NUDCD3: variants seen among roughly 807,000 people sequenced by gnomAD.
NUDCD3 encodes the protein NudC domain containing 3, also known as nudC domain-containing protein 3.
NUDCD3 carries 13 observed loss-of-function variants against 39.7 expected under a neutral mutation model. The observed-to-expected ratio is 0.33, with a 90% CI of 0.21 to 0.52. The LOEUF (loss-of-function observed/expected upper bound fraction) is 0.52, where lower values mean the gene tolerates loss of function less well. Ranked by LOEUF, NUDCD3 falls within the 20% of genes least tolerant of loss-of-function variation. NUDCD3 has a pLI of 0.96. For synonymous variants in NUDCD3, 175 were observed against 172.4 expected (o/e 1.02, Z -0.12); for missense variants, 453 against 458.1 (o/e 0.99, Z 0.10).
At chr7:44,418,623 G>T (rs1271020833) in intron 3 of NUDCD3, among the ~76,000 whole-genome samples, 1 of 152,204 alleles carries the variant, frequency 6.6e-6, no homozygotes, top group African/African-American at 2.4e-5. Flanking sequence ...GAATGATATG[G>T]GGGGATCTGG....
At chr7:44,409,820 C>T (rs1798889125) in intron 3 of NUDCD3, among the ~76,000 whole-genome samples, 1 of 151,816 alleles carries the variant, frequency 6.6e-6, no homozygotes, top group Admixed American at 6.6e-5. Context: ...ATACTGATAA[C>T]GAGATAGAAA....
chr7:44,391,558 G>A (rs566771881), intron 5 of NUDCD3, among the ~76,000 whole-genome samples: 3 of 152,272 alleles, frequency 2.0e-5, no homozygotes, highest in African/African-American at 7.2e-5. Flanking sequence ...TAAGGAGACT[G>A]TGCCCAGCAG....
rs983420382 is a variant in NUDCD3, at chr7:44,381,221, G to C, written c.*4790C>G. 16 of 152,308 alleles carry C rather than the reference G, an allele frequency of 1.1e-4. No individual in the cohort carries two copies. The highest frequency in any genetic ancestry group is 5.8e-4 in the East Asian group (3 of 5,198). 9.4% of individuals were successfully genotyped at this position (152,308 alleles called of 1,614,324 possible). On this transcript the variant is annotated 3_prime_UTR_variant, in exon 6 of 6. Coordinates refer to ENST00000355451, the MANE Select transcript of NUDCD3 (RefSeq NM_015332.4). Reference sequence around the variant, plus strand: ...ATGGCCTGAGACAGGGTCCCTTGATGAACAGTCCACTGGGAATGGGGCCTG... The same window carrying C: ...ATGGCCTGAGACAGGGTCCCTTGATCAACAGTCCACTGGGAATGGGGCCTG...
intron 2 of NUDCD3, among the ~76,000 whole-genome samples, chr7:44,477,131 G>A (rs548050907): frequency 2.6e-5 from 4 of 152,272 alleles, no homozygotes; most frequent in Non-Finnish European, 5.9e-5. Context: ...ATGTTCTAAC[G>A]GGCTTGTCCT....
chr7:44,398,737 C>T (rs1475135580), intron 4 of NUDCD3, among the ~76,000 whole-genome samples: 2 of 152,182 alleles, frequency 1.3e-5, no homozygotes, highest in African/African-American at 4.8e-5. Context: ...CCCGCGTGAT[C>T]GAGACTGGGC....
intron 1 of NUDCD3, chr7:44,490,085 T>C (rs1800700013): frequency 8.2e-6 from 2 of 244,238 alleles, no homozygotes; most frequent in Non-Finnish European, 7.9e-6. Context: ...GTAAATGTCC[T>C]TCCTTCTGTC....
Position 44,477,822 on chromosome 7 carries a change from C to CTT in NUDCD3, c.509+7144_509+7145dup, listed in dbSNP as rs938640330. 7.9e-3 allele frequency among the ~76,000 whole-genome samples: 739 copies of CTT among 94,118 alleles called. 24 individuals carry two copies. Among genetic ancestry groups the CTT allele is most frequent in the African/African-American group, 0.024 (586 of 24,816 alleles). The allele number at this position is 94,118 out of a possible 152,430, so 61.7% of individuals were successfully genotyped here. On this transcript the variant is annotated intron_variant, in intron 2 of 5. Transcript: ENST00000355451. ...TACAAAGTCTTTACTATGAACAATT[C>CTT]TTTTTTTTTTTTTTTTTTTTTTTTT...
At chr7:44,424,813 A>G (rs1211127547) in intron 3 of NUDCD3, among the ~76,000 whole-genome samples, 3 of 152,198 alleles carry the variant, frequency 2.0e-5, no homozygotes, top group Non-Finnish European at 4.4e-5. Context: ...AAGGATTATA[A>G]ATCATTCTAC....
intron 2 of NUDCD3, 34 bp from the exon 3 acceptor site, chr7:44,427,737 C>T: frequency 6.2e-7 from 1 of 1,607,544 alleles, no homozygotes; most frequent in Admixed American, 1.7e-5. Context: ...TCCCAGTCAG[C>T]CATGCCTGAG....
intron 5 of NUDCD3, among the ~76,000 whole-genome samples, chr7:44,391,619 G>A (rs1585049190): frequency 6.6e-6 from 1 of 152,198 alleles, no homozygotes; most frequent in Non-Finnish European, 1.5e-5. Context: ...GTGCCCTGCT[G>A]TACTGCGGCC....
At chr7:44,430,257 G>A (rs771370854) in intron 2 of NUDCD3, among the ~76,000 whole-genome samples, 9 of 152,116 alleles carry the variant, frequency 5.9e-5, no homozygotes, top group Non-Finnish European at 1.2e-4. Context: ...CCACGGCCAC[G>A]GCAGCAGCAC....
At chr7:44,490,353 G>T in intron 1 of NUDCD3, 56 bp downstream of exon 1, 1 of 1,435,130 alleles carries the variant, frequency 7.0e-7, no homozygotes. Context: ...CGGGCGCCAG[G>T]AGTCAGGGCA....
intron 2 of NUDCD3, among the ~76,000 whole-genome samples, chr7:44,479,529 G>A (rs1800445736): frequency 6.6e-6 from 1 of 152,004 alleles, no homozygotes; most frequent in Non-Finnish European, 1.5e-5. Context: ...TTTTAATCTT[G>A]TTTCTTTCTT....
chr7:44,459,631 GTAAT>G (rs1380951793), intron 2 of NUDCD3, among the ~76,000 whole-genome samples: 18 of 152,154 alleles, frequency 1.2e-4, no homozygotes, highest in Admixed American at 1.1e-3. Flanking sequence ...AATTACTTTT[GTAAT>G]TAATTAAACA....
chr7:44,443,710 G>A (rs1008536282), intron 2 of NUDCD3, among the ~76,000 whole-genome samples: 1 of 152,158 alleles, frequency 6.6e-6, no homozygotes, highest in Admixed American at 6.6e-5. Context: ...ACAGTGCCTG[G>A]CCCAATTTCA....
At chr7:44,478,192 T>C (rs1159844088) in intron 2 of NUDCD3, among the ~76,000 whole-genome samples, 3 of 152,228 alleles carry the variant, frequency 2.0e-5, no homozygotes, top group Non-Finnish European at 1.5e-5. Flanking sequence ...TCTCTGATGC[T>C]ATCTTGTGCA....
At chr7:44,461,430 A>G (rs1399624951) in intron 2 of NUDCD3, among the ~76,000 whole-genome samples, 1 of 152,192 alleles carries the variant, frequency 6.6e-6, no homozygotes, top group South Asian at 2.1e-4. Flanking sequence ...ATATGAAGAG[A>G]AGTCTTCTCT....
chr7:44,402,349 G>A (rs1798741888), intron 4 of NUDCD3, among the ~76,000 whole-genome samples: 1 of 152,150 alleles, frequency 6.6e-6, no homozygotes, highest in South Asian at 2.1e-4. Context: ...TATTCCACTT[G>A]TATTATACAT....
At chr7:44,438,299 T>C (rs903728622) in intron 2 of NUDCD3, among the ~76,000 whole-genome samples, 1 of 152,160 alleles carries the variant, frequency 6.6e-6, no homozygotes, top group Non-Finnish European at 1.5e-5. Context: ...CTTTACTATT[T>C]AAATTCTCAA....
Sources: allele counts gnomAD v4.1 joint callset (sites outside exome capture counted in the v4.1 genomes callset), GRCh38; gene constraint gnomAD v4.1.1; transcripts MANE v1.5; gene names NCBI Gene and HGNC (gene_info 2026-07-23, HGNC 2026-07-21).